Variants in IFT46 observed in about 807,000 individuals in gnomAD.
The protein encoded by IFT46 is intraflagellar transport 46, also known as intraflagellar transport protein 46 homolog.
Under a neutral mutation model 39.6 loss-of-function variants are expected in IFT46, and 19 were observed. The ratio of observed to expected loss-of-function variants is 0.48; its 90% CI spans 0.33 to 0.70. IFT46 has a LOEUF of 0.70. Ranked by LOEUF, IFT46 falls within the 30% of genes least tolerant of loss-of-function variation. IFT46 has a pLI of 0.01. For synonymous variants in IFT46, 117 were observed against 134.8 expected, an observed-to-expected ratio of 0.87 and a Z score of 0.91; for missense variants, 334 against 364.8, an observed-to-expected ratio of 0.92 and a Z score of 0.69.
intron 10 of IFT46, 94 bp from the exon 11 acceptor site, chr11:118,545,588 G>A: frequency 1.7e-6 from 2 of 1,180,176 alleles, no homozygotes; most frequent in East Asian, 2.3e-5. Context: ...TGGCAGATGG[G>A]GTGTCGCTAT....
In IFT46 at chr11:118,562,677, T is replaced by C. The variant is rs576927834; in HGVS notation, c.-36+2288A>G. On this transcript the variant is annotated intron_variant, in intron 2 of 11. Transcript: ENST00000264021. ...AAAGAATTGAAAACAGGGACTCAAATGGACACTTGTACACCTCTGTTCATA... is the reference window on the plus strand; with the variant it reads ...AAAGAATTGAAAACAGGGACTCAAACGGACACTTGTACACCTCTGTTCATA... 1.0e-3 allele frequency among the ~76,000 whole-genome samples: 157 copies of C among 152,292 alleles called. 1 individual carries two copies. The highest frequency in any genetic ancestry group is 3.7e-3 in the African/African-American group (154 of 41,566).
intron 10 of IFT46, 81 bp from the exon 11 acceptor site, chr11:118,545,575 C>A: frequency 7.9e-7 from 1 of 1,273,654 alleles, no homozygotes. Context: ...ACAGGCAAAG[C>A]CCTGGCAGAT....
chr11:118,557,229 G>A, intron 3 of IFT46, 184 bp from the exon 4 acceptor site: 1 of 494,484 alleles, frequency 2.0e-6, no homozygotes, highest in South Asian at 4.9e-5. Context: ...TACAAATGGG[G>A]ACTCCACTTT....
chr11:118,573,073 G>A (rs1460631047), upstream of IFT46: 2 of 160,020 alleles, frequency 1.2e-5, no homozygotes, highest in Non-Finnish European at 2.7e-5. Flanking sequence ...AGGGGGAAAT[G>A]GAGACACAGA....
chr11:118,568,856 A>G (rs1938281734), upstream of IFT46, among the ~76,000 whole-genome samples: 1 of 150,694 alleles, frequency 6.6e-6, no homozygotes. Flanking sequence ...GGGTTTCACC[A>G]TGTTGCTCAG....
chr11:118,564,133 G>A (rs1177053722), intron 2 of IFT46, among the ~76,000 whole-genome samples: 1 of 140,414 alleles, frequency 7.1e-6, no homozygotes, highest in Non-Finnish European at 1.5e-5. Context: ...AGATTGCAGT[G>A]AGCCAAGATC....
At chr11:118,568,737 G>A (rs1555071929), upstream of IFT46, among the ~76,000 whole-genome samples, 2 of 151,106 alleles carry the variant, frequency 1.3e-5, no homozygotes, top group East Asian at 4.1e-4. Flanking sequence ...CGAGACCTCA[G>A]CTCACTGCTA....
chr11:118,555,143 G>T lies in IFT46; in HGVS notation c.261-60C>A. ...CAGAAAAAGTTACTTTACTATTCAGGCTAAAAAAAAATCTAAGGGGAATGG... is the reference window on the plus strand; with the variant it reads ...CAGAAAAAGTTACTTTACTATTCAGTCTAAAAAAAAATCTAAGGGGAATGG... On this transcript the variant is annotated intron_variant, in intron 5 of 11. Transcript: ENST00000264021. 2.6e-6 allele frequency: 4 copies of T among 1,539,410 alleles called. No individual in the cohort carries two copies. In the South Asian group the frequency reaches 4.5e-5, roughly 17 times the overall value.
chr11:118,570,034 A>G (rs1271486228), upstream of IFT46, among the ~76,000 whole-genome samples: 2 of 142,224 alleles, frequency 1.4e-5, no homozygotes, highest in South Asian at 4.6e-4. Flanking sequence ...GGCATGAGAC[A>G]CCACGCCCAG....
chr11:118,551,511 CA>C (rs1299214063), intron 9 of IFT46, among the ~76,000 whole-genome samples: 7 of 151,380 alleles, frequency 4.6e-5, no homozygotes, highest in African/African-American at 1.5e-4. Context: ...TCGTCTCTAC[CA>C]AAAATTAAAA....
intron 1 of IFT46, chr11:118,572,252 G>A: frequency 2.3e-6 from 1 of 428,666 alleles, no homozygotes; most frequent in South Asian, 5.9e-5. Flanking sequence ...GGAGAGATAC[G>A]AGGTTCCACA....
At chr11:118,560,028 GTTCAA>G in intron 2 of IFT46, 164 bp from the exon 3 acceptor site, 1 of 605,094 alleles carries the variant, frequency 1.7e-6, no homozygotes, top group Non-Finnish European at 2.9e-6. Flanking sequence ...GGCTCTGCCA[GTTCAA>G]TTCAAGATAT....
At chr11:118,546,183 CAAG>C (rs1555067106) in intron 9 of IFT46, 2 of 718,148 alleles carry the variant, frequency 2.8e-6, no homozygotes, top group South Asian at 3.0e-5. Context: ...AGAAGATGGC[CAAG>C]AAGAGACCCC....
chr11:118,559,658 T>G (rs761613501), intron 3 of IFT46, 127 bp downstream of exon 3: 11 of 744,216 alleles, frequency 1.5e-5, no homozygotes, highest in East Asian at 8.0e-5. Context: ...TTTTCCTCCA[T>G]GAGCTCAAAG....
At chr11:118,550,440 C>T (rs1158622807) in intron 9 of IFT46, among the ~76,000 whole-genome samples, 3 of 152,016 alleles carry the variant, frequency 2.0e-5, no homozygotes, top group Non-Finnish European at 4.4e-5. Context: ...TATTATATTA[C>T]TTACATGGCT....
intron 3 of IFT46, chr11:118,557,570 C>T: frequency 2.7e-6 from 2 of 743,558 alleles, no homozygotes; most frequent in Non-Finnish European, 2.2e-6. Context: ...CCCATCAAAC[C>T]AGCAGTCCCA....
At chr11:118,575,838 GCACA>G (rs1376573308), upstream of IFT46, among the ~76,000 whole-genome samples, 1 of 152,130 alleles carries the variant, frequency 6.6e-6, no homozygotes. Flanking sequence ...TATCTCTCTT[GCACA>G]CACAATTTGT....
At chr11:118,570,955 G>A (rs1555072268), upstream of IFT46, among the ~76,000 whole-genome samples, 1 of 151,920 alleles carries the variant, frequency 6.6e-6, no homozygotes, top group African/African-American at 2.4e-5. Flanking sequence ...TGCACAGGCT[G>A]ACCTTTAACC....
upstream of IFT46, among the ~76,000 whole-genome samples, chr11:118,576,751 G>T (rs115605805): frequency 6.6e-6 from 1 of 152,070 alleles, no homozygotes; most frequent in African/African-American, 2.4e-5. Context: ...CTGGGTGTTC[G>T]GAGATTTATG....
Sources: allele counts gnomAD v4.1 joint callset (sites outside exome capture counted in the v4.1 genomes callset), GRCh38; gene constraint gnomAD v4.1.1; transcripts MANE v1.5; gene names NCBI Gene and HGNC (gene_info 2026-07-23, HGNC 2026-07-21).